Variants in PIP4K2C observed in about 807,000 individuals in gnomAD.
PIP4K2C encodes the protein phosphatidylinositol-5-phosphate 4-kinase type 2 gamma.
Under a neutral mutation model 45.0 loss-of-function variants are expected in PIP4K2C, and 21 were observed. That is an observed-to-expected ratio of 0.47 (90% confidence interval 0.33 to 0.67). The LOEUF (loss-of-function observed/expected upper bound fraction) is 0.67. Among genes scored for constraint, PIP4K2C ranks in the 30% least tolerant of loss-of-function variants. The probability of loss-of-function intolerance (pLI) is 0.02; values close to 1 mark genes in which losing one functional copy is unlikely to be tolerated. For missense variants in PIP4K2C, 456 were observed against 542.8 expected, an observed-to-expected ratio of 0.84 and a Z score of 1.59; for synonymous variants, 201 against 204.8, an observed-to-expected ratio of 0.98 and a Z score of 0.16.
Position 57,594,125 on chromosome 12 carries a change from A to T in PIP4K2C, c.272+3A>T. ...GTCAACAATCACCTTTTCCACAGGT[A>T]AGTGATGATCCTTGCCATTCTCATG... On this transcript the variant is annotated splice_donor_region_variant and intron_variant, in intron 2 of 9. Transcript: ENST00000354947. 1 of 1,610,182 alleles carries T rather than the reference A, an allele frequency of 6.2e-7. No individual in the cohort carries two copies. The highest frequency in any genetic ancestry group is 8.5e-7 in the Non-Finnish European group (1 of 1,177,292).
intron 7 of PIP4K2C, 111 bp downstream of exon 7, chr12:57,600,548 G>T: frequency 1.2e-6 from 1 of 837,386 alleles, no homozygotes; most frequent in Non-Finnish European, 1.9e-6. Context: ...TTATTCTTCA[G>T]GTCCTCTGCC....
At position 57,602,475 on chromosome 12, in the gene PIP4K2C, G is replaced by C. The variant is rs1294601908; in HGVS notation, c.*869G>C. 2.0e-5 allele frequency: 3 copies of C among 152,310 alleles called. No homozygotes were observed. The East Asian group carries it at 5.8e-4, about 29-fold the overall frequency. The allele number at this position is 152,310 out of a possible 1,614,324, so 9.4% of individuals were successfully genotyped here. On this transcript the variant is annotated 3_prime_UTR_variant, in exon 10 of 10. Coordinates refer to ENST00000354947, the MANE Select transcript of PIP4K2C (RefSeq NM_024779.5). ...GCCAGTTTTGGAGGCTGGAATGATG[G>C]GCCAGGGTGTAGGATTCATTCTCCA...
Position 57,591,231 on chromosome 12 carries a change from G to T in PIP4K2C, c.-59G>T. On this transcript the variant is annotated 5_prime_UTR_variant, in exon 1 of 10. Coordinates refer to ENST00000354947, the MANE Select transcript of PIP4K2C (RefSeq NM_024779.5). Reference sequence around the variant, plus strand: ...AGCGCAGGTGAGCGCCGCTTCCGGGGTCGGGCGCCTGGATAGCTGCCGGCT... The same window carrying T: ...AGCGCAGGTGAGCGCCGCTTCCGGGTTCGGGCGCCTGGATAGCTGCCGGCT... 6.5e-7 allele frequency: 1 copy of T among 1,537,904 alleles called. No homozygotes were observed. The highest frequency in any genetic ancestry group is 8.8e-7 in the Non-Finnish European group (1 of 1,135,694).
At chr12:57,592,246 A>G (rs903646572) in intron 1 of PIP4K2C, among the ~76,000 whole-genome samples, 3 of 152,184 alleles carry the variant, frequency 2.0e-5, no homozygotes, top group Non-Finnish European at 2.9e-5. Context: ...GAGGAGGCCA[A>G]GGAGACCTCC....
intron 6 of PIP4K2C, among the ~76,000 whole-genome samples, chr12:57,600,064 A>AG (rs1158092343): frequency 6.6e-6 from 1 of 151,888 alleles, no homozygotes; most frequent in African/African-American, 2.4e-5. Context: ...AAAAAAAAAA[A>AG]AAAAAGAGGA....
At chr12:57,600,185 G>C in intron 6 of PIP4K2C, 139 bp from the exon 7 acceptor site, 1 of 513,252 alleles carries the variant, frequency 1.9e-6, no homozygotes, top group Non-Finnish European at 3.5e-6. Context: ...CACTGGAGGT[G>C]AGAACAGACC....
chr12:57,595,993 A>G lies in PIP4K2C; in HGVS notation c.475A>G (p.Ile159Val), dbSNP rs1391456812. 1 of 1,613,842 alleles carries G rather than the reference A, an allele frequency of 6.2e-7. No individual in the cohort carries two copies. Among genetic ancestry groups the G allele is most frequent in the Non-Finnish European group, 8.5e-7 (1 of 1,179,874 alleles). Residue 159 changes from isoleucine to valine, a missense_variant, in exon 4 of 10, where the codon ATT becomes GTT. Physicochemically the swap from Ile to Val is conservative, Grantham distance 29. This residue lies in a region of PIP4K2C where 421 missense variants were observed against 473.1 expected (regional missense o/e 0.89). Transcript: ENST00000354947. Reference protein sequence around the residue: ...LVIKEVSSEDIADMHSNLSNY... With the variant: ...LVIKEVSSEDVADMHSNLSNY... ...CATCAAAGAAGTATCCAGTGAGGAC[A>G]TTGCTGACATGCATAGCAACCTCTC...
At chr12:57,595,053 G>T (rs975570047) in intron 2 of PIP4K2C, 73 bp from the exon 3 acceptor site, 1 of 931,056 alleles carries the variant, frequency 1.1e-6, no homozygotes, top group Admixed American at 1.7e-5. Flanking sequence ...ATGTCTGAAG[G>T]TACTTTATAA....
intron 3 of PIP4K2C, among the ~76,000 whole-genome samples, chr12:57,595,482 A>G (rs1883149560): frequency 2.6e-5 from 4 of 152,300 alleles, no homozygotes; most frequent in South Asian, 2.1e-4. Context: ...AGGCGGGCAG[A>G]TCACCTGAGG....
chr12:57,600,837 C>CTACA lies in PIP4K2C; in HGVS notation c.841_844dup (p.Ser282IlefsTer15). 1.2e-6 allele frequency: 2 copies of CTACA among 1,614,196 alleles called. No individual in the cohort carries two copies. Among genetic ancestry groups the CTACA allele is most frequent in the South Asian group, 2.2e-5 (2 of 91,084 alleles). ...TTCTAGTGCAGCTGAAGATCATGGA[C>CTACA]TACAGCCTTCTGCTAGGCATCCACG... On this transcript the variant is annotated frameshift_variant, in exon 8 of 10. Coordinates refer to ENST00000354947, the MANE Select transcript of PIP4K2C (RefSeq NM_024779.5). LOFTEE classifies it high-confidence loss of function.
Position 57,594,135 on chromosome 12 carries a change from C to G in PIP4K2C, c.272+13C>G, listed in dbSNP as rs1883092927. The G allele has an allele frequency of 3.1e-6, 5 of 1,592,630 alleles. No homozygotes were observed. Among genetic ancestry groups the G allele is most frequent in the Non-Finnish European group, 4.3e-6 (5 of 1,166,232 alleles). ...ACCTTTTCCACAGGTAAGTGATGAT[C>G]CTTGCCATTCTCATGTCAACCTTCC... is the stretch of plus-strand genomic sequence containing the variant. On this transcript the variant is annotated intron_variant, in intron 2 of 9. Transcript: ENST00000354947.
rs771957265 is a variant in PIP4K2C at position 57,591,477 on chromosome 12, C to T, written c.174+14C>T. Reference sequence around the variant, plus strand: ...GTAGCCCACTCGGTGAGAACCAGCCCTAGACCCCCGCAGCCCTGTCCAAAC... The same window carrying T: ...GTAGCCCACTCGGTGAGAACCAGCCTTAGACCCCCGCAGCCCTGTCCAAAC... On this transcript the variant is annotated intron_variant, in intron 1 of 9. Transcript: ENST00000354947. 1.6e-5 allele frequency: 26 copies of T among 1,603,352 alleles called. No homozygotes were observed. The highest frequency in any genetic ancestry group is 5.1e-5 in the Admixed American group (3 of 59,308).
At chr12:57,596,284 G>C (rs1280193423) in intron 4 of PIP4K2C, among the ~76,000 whole-genome samples, 1 of 152,038 alleles carries the variant, frequency 6.6e-6, no homozygotes, top group Admixed American at 6.6e-5. Context: ...TCGGGAGTTC[G>C]AGACCAGTCT....
At position 57,601,299 on chromosome 12, in the gene PIP4K2C, A is replaced by G; in HGVS notation, c.1136A>G (p.Tyr379Cys). The change falls in exon 9 of 10, where the codon TAT becomes TGT. Residue 379 changes from tyrosine (Y) to cysteine (C), a missense_variant. By Grantham distance (194) the Tyr-to-Cys change is radical. Coordinates refer to ENST00000354947, the MANE Select transcript of PIP4K2C (RefSeq NM_024779.5). Reference protein sequence around the residue: ...FMGLIDILTQYDAKKKAAHAA... With the variant: ...FMGLIDILTQCDAKKKAAHAA... ...GGCCTCATTGATATCCTTACACAGT[A>G]TGATGCTAAGAAGAAAGCAGCTCAT... is the stretch of plus-strand genomic sequence containing the variant. The G allele has an allele frequency of 6.2e-7, 1 of 1,614,108 alleles. No homozygotes were observed. Among genetic ancestry groups the G allele is most frequent in the Non-Finnish European group, 8.5e-7 (1 of 1,179,968 alleles).
chr12:57,597,365 G>T (rs534138704), intron 4 of PIP4K2C, among the ~76,000 whole-genome samples: 3 of 152,174 alleles, frequency 2.0e-5, no homozygotes, highest in African/African-American at 7.2e-5. Context: ...GGGCCTCCAA[G>T]TTCCTGGTTA....
rs760924346 is a variant in PIP4K2C, at chr12:57,599,090, C to T, written c.539C>T (p.Thr180Met). 6.2e-6 allele frequency: 10 copies of T among 1,614,084 alleles called. No individual in the cohort carries two copies. Among genetic ancestry groups the T allele is most frequent in the African/African-American group, 1.3e-5 (1 of 74,938 alleles). ...HQYIVKCHGN[T>M]LLPQFLGMYR... ...TACATTGTGAAGTGCCATGGCAACACGCTTCTGCCCCAGTTCCTGGGGATG... is the reference window on the plus strand; with the variant it reads ...TACATTGTGAAGTGCCATGGCAACATGCTTCTGCCCCAGTTCCTGGGGATG... Residue 180 changes from threonine (T) to methionine (M), a missense_variant, in exon 5 of 10, where the codon ACG (threonine) becomes ATG (methionine). This residue lies in a region of PIP4K2C where 421 missense variants were observed against 473.1 expected (regional missense o/e 0.89). Coordinates refer to ENST00000354947, the MANE Select transcript of PIP4K2C (RefSeq NM_024779.5).
chr12:57,595,635 G>A (rs996733258), intron 3 of PIP4K2C, among the ~76,000 whole-genome samples: 1 of 149,616 alleles, frequency 6.7e-6, no homozygotes, highest in East Asian at 2.0e-4. Context: ...CTTGGGAGGC[G>A]AAGGTTGCAA....
intron 1 of PIP4K2C, among the ~76,000 whole-genome samples, chr12:57,592,193 A>G (rs1882993440): frequency 6.6e-6 from 1 of 152,126 alleles, no homozygotes; most frequent in African/African-American, 2.4e-5. Context: ...TGAGGTCACT[A>G]TGGTGGTGAA....
intron 5 of PIP4K2C, 49 bp downstream of exon 5, chr12:57,599,260 G>A (rs1883324796): frequency 6.2e-7 from 1 of 1,609,624 alleles, no homozygotes; most frequent in Non-Finnish European, 8.5e-7. Context: ...GATAGCCTGA[G>A]AATGGGGAAG....
Sources: gnomAD v4.1 joint callset for allele counts (sites outside exome capture counted in the v4.1 genomes callset) on GRCh38, gnomAD v4.1.1 for gene constraint, gnomAD v4.1.1 regional missense constraint, MANE v1.5 for transcripts, NCBI Gene and HGNC (gene_info 2026-07-23, HGNC 2026-07-21) for gene names.